The following GRIN2A variants were observed in gnomAD, a reference collection of about 807,000 sequenced individuals.
GRIN2A encodes glutamate receptor ionotropic, NMDA 2A.
A neutral mutation model predicts 113.4 loss-of-function variants in GRIN2A; 22 were observed. The observed-to-expected ratio is 0.19, with a 90% CI of 0.14 to 0.28. The LOEUF (loss-of-function observed/expected upper bound fraction) is 0.28. GRIN2A is among the 10% of genes least tolerant of loss of function. GRIN2A has a pLI of 1.00. For missense variants in GRIN2A, 1,502 were observed against 1,887.0 expected (o/e 0.80, Z 3.78); for synonymous variants, 827 against 738.4 (o/e 1.12, Z -1.94).
intron 2 of GRIN2A, among the ~76,000 whole-genome samples, chr16:10,086,605 CAAAAAA>C (rs3033377): frequency 2.0e-4 from 20 of 99,724 alleles, no homozygotes; most frequent in Admixed American, 5.6e-4. Context: ...GGAGCAGCTC[CAAAAAA>C]AAAAAAAAAA....
chr16:9,842,181 G>A (rs2042692236), intron 5 of GRIN2A, among the ~76,000 whole-genome samples: 1 of 152,014 alleles, frequency 6.6e-6, no homozygotes, highest in Admixed American at 6.6e-5. Context: ...AACCCAGGAG[G>A]CGGGGGCTGC....
intron 2 of GRIN2A, among the ~76,000 whole-genome samples, chr16:9,985,271 C>CG: frequency 6.6e-6 from 1 of 151,982 alleles, no homozygotes; most frequent in East Asian, 1.9e-4. Context: ...TATATGGTCC[C>CG]GCATTTAGAA....
intron 2 of GRIN2A, among the ~76,000 whole-genome samples, chr16:10,166,125 C>T (rs1012140304): frequency 1.3e-5 from 2 of 152,270 alleles, no homozygotes; most frequent in African/African-American, 4.8e-5. Context: ...GAAAATATGT[C>T]TTTTTCTTTC....
At position 9,756,304 on chromosome 16, in the gene GRIN2A, C is replaced by A. The variant is rs1900346661; in HGVS notation, c.*6845G>T. On this transcript the variant is annotated 3_prime_UTR_variant, in exon 13 of 13. Coordinates refer to ENST00000330684, the MANE Select transcript of GRIN2A (RefSeq NM_001134407.3). ...CAGAAATTTTTTTAAATGCTAAGTG[C>A]AAGCATATGAAAGGGAGACACAAAC... is the stretch of plus-strand genomic sequence containing the variant. 4.4e-6 allele frequency: 1 copy of A among 229,268 alleles called. No homozygotes were observed. Among genetic ancestry groups the A allele is most frequent in the Non-Finnish European group, 8.7e-6 (1 of 115,560 alleles). 14.2% of individuals were successfully genotyped at this position (229,268 alleles called of 1,614,324 possible).
intron 3 of GRIN2A, among the ~76,000 whole-genome samples, chr16:9,903,114 G>A (rs973922493): frequency 2.0e-5 from 3 of 151,638 alleles, no homozygotes; most frequent in Admixed American, 6.6e-5. Context: ...GACTACAATC[G>A]CGTGCCACCA....
intron 2 of GRIN2A, among the ~76,000 whole-genome samples, chr16:10,051,994 A>T (rs1334156636): frequency 6.6e-6 from 1 of 152,192 alleles, no homozygotes; most frequent in African/African-American, 2.4e-5. Flanking sequence ...GTGCTGAGAG[A>T]TCTCAAACTA....
At position 9,881,139 on chromosome 16, in the gene GRIN2A, T is replaced by C. The variant is rs370709126; in HGVS notation, c.1122+9847A>G. Reference sequence around the variant, plus strand: ...TAACAAAAAAATCATTTAATAACAATATCTATTGAGAAAAATCTAGGTAAC... The same window carrying C: ...TAACAAAAAAATCATTTAATAACAACATCTATTGAGAAAAATCTAGGTAAC... On this transcript the variant is annotated intron_variant, in intron 4 of 12. Transcript: ENST00000330684. 1.1e-4 allele frequency among the ~76,000 whole-genome samples: 16 copies of C among 152,218 alleles called. No homozygotes were observed. In the East Asian group the frequency reaches 1.5e-3, roughly 15 times the overall value.
intron 2 of GRIN2A, among the ~76,000 whole-genome samples, chr16:9,950,053 C>A (rs1567195548): frequency 6.6e-6 from 1 of 152,140 alleles, no homozygotes; most frequent in Non-Finnish European, 1.5e-5. Context: ...GTTGGGCTGG[C>A]ATTCTTCACT....
At chr16:10,111,498 A>G (rs541948692) in intron 2 of GRIN2A, 3 of 690,404 alleles carry the variant, frequency 4.3e-6, no homozygotes, top group Non-Finnish European at 8.0e-6. Flanking sequence ...TGATTCTCCC[A>G]TGGTTCATAG....
At chr16:10,012,600 G>T (rs1374324220) in intron 2 of GRIN2A, among the ~76,000 whole-genome samples, 1 of 152,236 alleles carries the variant, frequency 6.6e-6, no homozygotes, top group Non-Finnish European at 1.5e-5. Context: ...CTGTGAATAT[G>T]TTACCTTACA....
intron 2 of GRIN2A, among the ~76,000 whole-genome samples, chr16:10,036,246 T>C (rs2047022578): frequency 6.6e-6 from 1 of 152,062 alleles, no homozygotes; most frequent in African/African-American, 2.4e-5. Flanking sequence ...ACTTGGTGGC[T>C]TGAACAATAT....
chr16:10,165,414 C>T (rs1366976096), intron 2 of GRIN2A, among the ~76,000 whole-genome samples: 1 of 150,492 alleles, frequency 6.6e-6, no homozygotes, highest in African/African-American at 2.4e-5. Flanking sequence ...CTGATTCTCA[C>T]AAAATCCTCT....
At chr16:10,018,592 G>A (rs2046652732) in intron 2 of GRIN2A, among the ~76,000 whole-genome samples, 1 of 152,106 alleles carries the variant, frequency 6.6e-6, no homozygotes, top group African/African-American at 2.4e-5. Context: ...GCTGAGAGAG[G>A]GGTGAACCTC....
At chr16:9,908,852 C>G (rs1162146131) in intron 3 of GRIN2A, among the ~76,000 whole-genome samples, 1 of 152,150 alleles carries the variant, frequency 6.6e-6, no homozygotes, top group Non-Finnish European at 1.5e-5. Flanking sequence ...ACACCGTGGC[C>G]TGGCACCAGG....
At chr16:9,908,009 G>A (rs1012169616) in intron 3 of GRIN2A, among the ~76,000 whole-genome samples, 5 of 152,170 alleles carry the variant, frequency 3.3e-5, no homozygotes, top group South Asian at 4.1e-4. Flanking sequence ...TCATCTGGCC[G>A]GAGCTGGAGT....
intron 2 of GRIN2A, among the ~76,000 whole-genome samples, chr16:9,980,736 G>A (rs1231865124): frequency 1.3e-5 from 2 of 151,456 alleles, no homozygotes; most frequent in Admixed American, 6.6e-5. Context: ...ATTATCACAA[G>A]GACAAAAGGC....
At chr16:10,157,597 G>A (rs2049724153) in intron 2 of GRIN2A, among the ~76,000 whole-genome samples, 2 of 152,310 alleles carry the variant, frequency 1.3e-5, no homozygotes, top group African/African-American at 4.8e-5. Flanking sequence ...TTCACGGGGA[G>A]ACAGGAAAGA....
At chr16:9,867,833 C>T (rs1485779350) in intron 4 of GRIN2A, among the ~76,000 whole-genome samples, 2 of 152,128 alleles carry the variant, frequency 1.3e-5, no homozygotes, top group Non-Finnish European at 2.9e-5. Flanking sequence ...GCTCAGGCCT[C>T]GGCCTCTTCT....
intron 4 of GRIN2A, among the ~76,000 whole-genome samples, chr16:9,865,038 T>G (rs188502644): frequency 2.8e-4 from 42 of 152,310 alleles, no homozygotes; most frequent in Non-Finnish European, 2.9e-5. Flanking sequence ...TTGACAATCA[T>G]TTTTCTTTGC....
Sources: allele counts gnomAD v4.1 joint callset (sites outside exome capture counted in the v4.1 genomes callset), GRCh38; gene constraint gnomAD v4.1.1; transcripts MANE v1.5; gene names NCBI Gene and HGNC (gene_info 2026-07-23, HGNC 2026-07-21).